RARB: variants seen among roughly 807,000 people sequenced by gnomAD.
RARB encodes the protein HBV-activated protein.
RARB carries 17 observed loss-of-function variants against 51.9 expected under a neutral mutation model. That is an observed-to-expected ratio of 0.33 (90% CI 0.22 to 0.49). The LOEUF is 0.49. Among genes scored for constraint, RARB ranks in the 20% least tolerant of loss-of-function variants. The pLI is 0.99. For missense variants in RARB, 369 were observed against 550.8 expected (o/e 0.67, Z 3.30); for synonymous variants, 215 against 195.4 (o/e 1.10, Z -0.84).
At chr3:25,432,356 T>G (rs1439556087) in intron 1 of RARB, among the ~76,000 whole-genome samples, 1 of 152,168 alleles carries the variant, frequency 6.6e-6, no homozygotes, top group Non-Finnish European at 1.5e-5. Flanking sequence ...AGTAGAAAGG[T>G]AGACATCTGT....
intron 2 of RARB, chr3:25,462,635 T>A (rs1011061390): frequency 1.3e-5 from 2 of 152,260 alleles, no homozygotes. Context: ...AACAATTCTT[T>A]ATTTAGCCTG....
intron 5 of RARB, among the ~76,000 whole-genome samples, chr3:25,360,270 C>T (rs553071020): frequency 6.6e-6 from 1 of 152,234 alleles, no homozygotes; most frequent in East Asian, 1.9e-4. Context: ...GGTTTAAAGT[C>T]TGTTTTATCA....
chr3:25,302,458 A>G (rs1704063398), intron 5 of RARB, among the ~76,000 whole-genome samples: 1 of 152,268 alleles, frequency 6.6e-6, no homozygotes, highest in African/African-American at 2.4e-5. Flanking sequence ...TACATGTTAC[A>G]ACATGGATAA....
At chr3:25,108,877 G>T (rs930332091) in intron 3 of RARB, among the ~76,000 whole-genome samples, 1 of 151,998 alleles carries the variant, frequency 6.6e-6, no homozygotes, top group Non-Finnish European at 1.5e-5. Context: ...CAGTATTTCT[G>T]TATCTCCTTA....
intron 5 of RARB, among the ~76,000 whole-genome samples, chr3:25,290,833 C>A (rs1452424580): frequency 6.6e-6 from 1 of 152,208 alleles, no homozygotes; most frequent in Admixed American, 6.6e-5. Flanking sequence ...CTCCCCTCTT[C>A]TCTTGCTTTC....
intron 1 of RARB, among the ~76,000 whole-genome samples, chr3:24,836,192 A>C (rs749546680): frequency 6.6e-6 from 1 of 152,202 alleles, no homozygotes; most frequent in Non-Finnish European, 1.5e-5. Context: ...ACCACCAAGG[A>C]ATGAGCAAAG....
At chr3:25,173,013 A>G (rs1235202742) in intron 4 of RARB, among the ~76,000 whole-genome samples, 1 of 152,132 alleles carries the variant, frequency 6.6e-6, no homozygotes, top group Non-Finnish European at 1.5e-5. Flanking sequence ...GCCTTGAAGT[A>G]CTCTTGTTTC....
At chr3:25,291,944 C>G (rs2125422215) in intron 5 of RARB, among the ~76,000 whole-genome samples, 1 of 152,214 alleles carries the variant, frequency 6.6e-6, no homozygotes, top group Non-Finnish European at 1.5e-5. Context: ...AACTTTCCCT[C>G]TCTTATGGGG....
chr3:25,328,200 C>A (rs554599529), intron 5 of RARB, among the ~76,000 whole-genome samples: 1 of 152,186 alleles, frequency 6.6e-6, no homozygotes, highest in Non-Finnish European at 1.5e-5. Flanking sequence ...ACCTAGAGAT[C>A]AGGATAAACG....
intron 4 of RARB, among the ~76,000 whole-genome samples, chr3:25,169,902 T>C (rs1221430195): frequency 6.6e-6 from 1 of 151,286 alleles, no homozygotes; most frequent in African/African-American, 2.4e-5. Flanking sequence ...GTGGAAAGAT[T>C]GCTTGTGCTC....
chr3:24,889,986 T>C (rs1409774342), intron 2 of RARB, among the ~76,000 whole-genome samples: 1 of 152,022 alleles, frequency 6.6e-6, no homozygotes. Context: ...GAATGTTGTA[T>C]GGCACATTCA....
intron 2 of RARB, among the ~76,000 whole-genome samples, chr3:24,922,500 C>G (rs1375759052): frequency 6.6e-6 from 1 of 152,100 alleles, no homozygotes; most frequent in African/African-American, 2.4e-5. Context: ...TTTATTGTCC[C>G]CATTTTACAG....
intron 2 of RARB, among the ~76,000 whole-genome samples, chr3:25,500,629 C>A (rs868117752): frequency 2.0e-5 from 3 of 151,748 alleles, no homozygotes; most frequent in East Asian, 3.9e-4. Flanking sequence ...CAGGCACGCA[C>A]AACTGTGCCT....
intron 5 of RARB, among the ~76,000 whole-genome samples, chr3:25,226,540 C>A (rs1163321768): frequency 1.3e-5 from 2 of 152,078 alleles, no homozygotes; most frequent in Non-Finnish European, 2.9e-5. Context: ...ACAAACCTGC[C>A]AATCCTAATG....
At chr3:25,296,401 C>A (rs992873407) in intron 5 of RARB, among the ~76,000 whole-genome samples, 8 of 152,120 alleles carry the variant, frequency 5.3e-5, no homozygotes, top group Admixed American at 2.0e-4. Flanking sequence ...TTCACTATTT[C>A]CTAGCTTTCT....
At chr3:24,972,726 A>AT (rs1409463395) in intron 2 of RARB, among the ~76,000 whole-genome samples, 3 of 151,888 alleles carry the variant, frequency 2.0e-5, no homozygotes, top group Non-Finnish European at 2.9e-5. Context: ...TTTGACTTGC[A>AT]TTTTTTGGAT....
intron 2 of RARB, among the ~76,000 whole-genome samples, chr3:25,028,651 A>G (rs577851033): frequency 6.6e-6 from 1 of 152,246 alleles, no homozygotes; most frequent in East Asian, 1.9e-4. Context: ...GTGAGGATAA[A>G]GGGTGTTTGT....
intron 1 of RARB, among the ~76,000 whole-genome samples, chr3:24,843,510 G>A (rs1481919530): frequency 6.6e-6 from 1 of 152,002 alleles, no homozygotes; most frequent in African/African-American, 2.4e-5. Context: ...GCACATTCTG[G>A]GTCCATTTTA....
At chr3:25,158,931 C>T (rs1174243673) in intron 4 of RARB, among the ~76,000 whole-genome samples, 10 of 151,864 alleles carry the variant, frequency 6.6e-5, no homozygotes, top group African/African-American at 9.7e-5. Flanking sequence ...ATTCTGTAGG[C>T]GATTTGGGGG....
Sources: allele counts gnomAD v4.1 joint callset (sites outside exome capture counted in the v4.1 genomes callset), GRCh38; gene constraint gnomAD v4.1.1; transcripts MANE v1.5; gene names NCBI Gene and HGNC (gene_info 2026-07-23, HGNC 2026-07-21).